The following GLG1 variants were observed in gnomAD, a reference collection of about 807,000 sequenced individuals.
GLG1 encodes golgi glycoprotein 1.
Under a neutral mutation model 160.5 loss-of-function variants are expected in GLG1, and 38 were observed. The observed-to-expected ratio is 0.24, with a 90% CI of 0.18 to 0.31. GLG1 has a LOEUF of 0.31. Ranked by LOEUF, GLG1 falls within the 10% of genes least tolerant of loss-of-function variation. GLG1 has a pLI of 1.00. For missense variants in GLG1, 1,373 were observed against 1,505.2 expected, an observed-to-expected ratio of 0.91 and a Z score of 1.45; for synonymous variants, 644 against 543.4, an observed-to-expected ratio of 1.19 and a Z score of -2.57.
intron 1 of GLG1, among the ~76,000 whole-genome samples, chr16:74,544,195 C>G (rs1291420235): frequency 1.3e-5 from 2 of 152,212 alleles, no homozygotes; most frequent in African/African-American, 4.8e-5. Context: ...GCATTCATTA[C>G]TATACAATCT....
chr16:74,524,549 T>TA (rs2017277757), intron 2 of GLG1, among the ~76,000 whole-genome samples: 1 of 151,906 alleles, frequency 6.6e-6, no homozygotes, highest in Non-Finnish European at 1.5e-5. Flanking sequence ...TTTTTTTTTT[T>TA]AAAGTCCTTA....
In GLG1 at chr16:74,496,429, G is replaced by A. The variant is rs758636651; in HGVS notation, c.978+12C>T. The A allele has an allele frequency of 6.4e-6, 10 of 1,567,038 alleles. No homozygotes were observed. The highest frequency in any genetic ancestry group is 2.2e-5 in the East Asian group (1 of 44,606). ...TAAAAGGAAGAAAAGAACAGTTTCT[G>A]AGCTGACTCACATTTTCACAAAAAC... On this transcript the variant is annotated intron_variant, in intron 5 of 25. Transcript: ENST00000422840.
intron 1 of GLG1, among the ~76,000 whole-genome samples, chr16:74,592,327 G>C (rs1392973733): frequency 1.3e-5 from 2 of 152,080 alleles, no homozygotes; most frequent in East Asian, 3.9e-4. Flanking sequence ...ATTTTTAGTA[G>C]AGACAGGGTT....
intron 2 of GLG1, among the ~76,000 whole-genome samples, chr16:74,513,155 C>A (rs1054789141): frequency 2.6e-5 from 4 of 151,876 alleles, no homozygotes; most frequent in South Asian, 2.1e-4. Context: ...ATAATTTTGA[C>A]CAAAGAACTC....
chr16:74,564,182 A>G (rs998828280), intron 1 of GLG1, among the ~76,000 whole-genome samples: 14 of 152,156 alleles, frequency 9.2e-5, no homozygotes, highest in Admixed American at 3.3e-4. Context: ...GCCTTCCAAA[A>G]TGCTGGGATT....
At chr16:74,527,173 C>G (rs1377399177) in intron 2 of GLG1, among the ~76,000 whole-genome samples, 2 of 150,302 alleles carry the variant, frequency 1.3e-5, no homozygotes, top group Non-Finnish European at 3.0e-5. Flanking sequence ...CTTTGTGCTA[C>G]TGTTGTCATA....
chr16:74,536,878 G>T (rs1210414782), intron 1 of GLG1, among the ~76,000 whole-genome samples: 1 of 152,108 alleles, frequency 6.6e-6, no homozygotes, highest in Non-Finnish European at 1.5e-5. Flanking sequence ...CAAACCAGGG[G>T]CAAAGTGCTG....
intron 2 of GLG1, among the ~76,000 whole-genome samples, chr16:74,524,488 G>T (rs949406872): frequency 1.3e-5 from 2 of 151,264 alleles, no homozygotes; most frequent in African/African-American, 2.4e-5. Context: ...GATATTTGAT[G>T]ATGTTAAAGA....
At chr16:74,594,538 G>C (rs1350661212) in intron 1 of GLG1, among the ~76,000 whole-genome samples, 1 of 152,108 alleles carries the variant, frequency 6.6e-6, no homozygotes, top group East Asian at 1.9e-4. Context: ...GGTAGTACTG[G>C]CACAGTTCTG....
At chr16:74,550,063 A>T (rs989700963) in intron 1 of GLG1, among the ~76,000 whole-genome samples, 1 of 152,264 alleles carries the variant, frequency 6.6e-6, no homozygotes, top group Admixed American at 6.5e-5. Context: ...GGCTGCAATG[A>T]GCCATGATCA....
intron 1 of GLG1, among the ~76,000 whole-genome samples, chr16:74,552,059 G>C (rs904319752): frequency 6.6e-6 from 1 of 151,790 alleles, no homozygotes; most frequent in Non-Finnish European, 1.5e-5. Context: ...TAGTTTGGGG[G>C]ATGTGGAAAA....
chr16:74,471,269 C>A lies in GLG1; in HGVS notation c.2133G>T (p.Gln711His). 6.3e-7 allele frequency: 1 copy of A among 1,590,930 alleles called. No individual in the cohort carries two copies. Among genetic ancestry groups the A allele is most frequent in the South Asian group, 1.1e-5 (1 of 90,558 alleles). Reference protein sequence around the residue: ...QNFCHDVADNQIDSGDLMECL... With the variant: ...QNFCHDVADNHIDSGDLMECL... ...ACTCCATCAGGTCCCCAGAGTCTAT[C>A]TGGTTATCTGCCACATCCTGGGGAA... is the stretch of plus-strand genomic sequence containing the variant. Residue 711 changes from glutamine to histidine, a missense_variant, in exon 15 of 26, where the codon CAG (glutamine) becomes CAT (histidine). Gln to His is a conservative substitution (Grantham distance 24). Transcript: ENST00000422840.
At chr16:74,538,728 ATTTTTT>A (rs58959074) in intron 1 of GLG1, among the ~76,000 whole-genome samples, 2 of 131,174 alleles carry the variant, frequency 1.5e-5, no homozygotes, top group South Asian at 5.0e-4. Context: ...AGATTTTGAG[ATTTTTT>A]TTTTTTTTTT....
At chr16:74,601,893 C>G (rs4888259) in intron 1 of GLG1, among the ~76,000 whole-genome samples, 111,191 of 152,004 alleles carry the variant, frequency 0.73, 41,177 homozygotes, top group African/African-American at 0.84. Flanking sequence ...AAAAGGACTT[C>G]CTGAACACCA....
chr16:74,530,602 C>T (rs1436551963), intron 2 of GLG1, among the ~76,000 whole-genome samples: 1 of 151,816 alleles, frequency 6.6e-6, no homozygotes, highest in Admixed American at 6.6e-5. Flanking sequence ...TGCTTAAATA[C>T]ACACATCCTT....
chr16:74,491,090 C>T lies in GLG1; in HGVS notation c.1360G>A (p.Gly454Arg), dbSNP rs1466713059. 5.6e-6 allele frequency: 9 copies of T among 1,614,006 alleles called. No homozygotes were observed. The highest frequency in any genetic ancestry group is 3.3e-5 in the South Asian group (3 of 91,084). The change falls in exon 8 of 26, where the codon GGA (glycine) becomes AGA (arginine). Residue 454 changes from glycine (G) to arginine (R), a missense_variant. Transcript: ENST00000422840. Reference sequence around the variant, plus strand: ...AGGGTCCGCCCTTTTCGATGTAATCCGGAACAATGGTGTTCAATCTCCCCC... The same window carrying T: ...AGGGTCCGCCCTTTTCGATGTAATCTGGAACAATGGTGTTCAATCTCCCCC... Reference protein sequence around the residue: ...CRGEIEHHCSGLHRKGRTLHC... With the variant: ...CRGEIEHHCSRLHRKGRTLHC...
intron 4 of GLG1, among the ~76,000 whole-genome samples, chr16:74,503,274 G>A (rs765229960): frequency 1.3e-5 from 2 of 152,162 alleles, no homozygotes; most frequent in South Asian, 2.1e-4. Flanking sequence ...ACCAGCAGCT[G>A]GTCTAATATT....
chr16:74,547,258 A>C (rs1272017071), intron 1 of GLG1, among the ~76,000 whole-genome samples: 1 of 151,310 alleles, frequency 6.6e-6, no homozygotes, highest in East Asian at 1.9e-4. Context: ...TAACTTATTT[A>C]ATACAATTAT....
chr16:74,527,306 A>G (rs1366070665), intron 2 of GLG1, among the ~76,000 whole-genome samples: 17 of 139,474 alleles, frequency 1.2e-4, no homozygotes, highest in Non-Finnish European at 2.0e-4. Context: ...ATGGAGTGCA[A>G]TGGCGCTATC....
Sources: allele counts gnomAD v4.1 joint callset (sites outside exome capture counted in the v4.1 genomes callset), GRCh38; gene constraint gnomAD v4.1.1; transcripts MANE v1.5; gene names NCBI Gene and HGNC (gene_info 2026-07-23, HGNC 2026-07-21).